SYT1: variants seen among roughly 807,000 people sequenced by gnomAD.
SYT1 encodes the protein synaptotagmin 1.
In SYT1, 8 loss-of-function variants were observed where a neutral mutation model predicts 44.8. The observed-to-expected ratio is 0.18, with a 90% CI of 0.10 to 0.32. SYT1 has a LOEUF of 0.32. Ranked by LOEUF, SYT1 falls within the 10% of genes least tolerant of loss-of-function variation. SYT1 has a pLI of 1.00. For missense variants in SYT1, 286 were observed against 509.3 expected (o/e 0.56, Z 4.22); for synonymous variants, 154 against 188.8 (o/e 0.82, Z 1.51).
At chr12:79,019,530 T>C (rs1041064229) in intron 2 of SYT1, among the ~76,000 whole-genome samples, 1 of 151,942 alleles carries the variant, frequency 6.6e-6, no homozygotes, top group African/African-American at 2.4e-5. Context: ...CCTACCACAG[T>C]TGCTATCTGT....
intron 3 of SYT1, among the ~76,000 whole-genome samples, chr12:79,060,963 T>A (rs928987521): frequency 6.6e-6 from 1 of 152,116 alleles, no homozygotes; most frequent in Admixed American, 6.6e-5. Context: ...CTACTCAGGC[T>A]GGAATTAGCC....
At chr12:79,046,838 T>C (rs1874102314) in intron 2 of SYT1, among the ~76,000 whole-genome samples, 1 of 151,964 alleles carries the variant, frequency 6.6e-6, no homozygotes, top group Non-Finnish European at 1.5e-5. Flanking sequence ...TTGAGGTGTT[T>C]CTAACATCGG....
chr12:79,060,926 A>C (rs1388466549), intron 3 of SYT1, among the ~76,000 whole-genome samples: 2 of 152,090 alleles, frequency 1.3e-5, no homozygotes, highest in Non-Finnish European at 2.9e-5. Flanking sequence ...TTTAGGATTT[A>C]TGAGTTATAA....
At chr12:78,997,664 CTT>C (rs143170436) in intron 2 of SYT1, among the ~76,000 whole-genome samples, 20 of 144,746 alleles carry the variant, frequency 1.4e-4, no homozygotes, top group African/African-American at 4.3e-4. Flanking sequence ...TTTCTCTTTC[CTT>C]TTTTTTTTTT....
chr12:79,295,634 G>A (rs1254066367), intron 6 of SYT1, among the ~76,000 whole-genome samples: 1 of 152,122 alleles, frequency 6.6e-6, no homozygotes, highest in East Asian at 1.9e-4. Flanking sequence ...GCTAGCCTGA[G>A]GCTTTGATAA....
intron 9 of SYT1, among the ~76,000 whole-genome samples, chr12:79,380,369 G>A (rs946598328): frequency 6.6e-6 from 1 of 152,136 alleles, no homozygotes; most frequent in African/African-American, 2.4e-5. Flanking sequence ...CAGCAAATCT[G>A]GCTGTGCCTG....
intron 9 of SYT1, among the ~76,000 whole-genome samples, chr12:79,415,033 G>A (rs971445294): frequency 1.3e-5 from 2 of 152,008 alleles, no homozygotes; most frequent in Non-Finnish European, 2.9e-5. Flanking sequence ...AAGGATTTAG[G>A]TAACTCTTCC....
chr12:79,072,733 A>T (rs905270854), intron 3 of SYT1, among the ~76,000 whole-genome samples: 3 of 152,166 alleles, frequency 2.0e-5, no homozygotes, highest in African/African-American at 7.2e-5. Context: ...CAAGATGAGA[A>T]TTAAGGATGG....
chr12:79,055,623 G>A (rs1199379496), intron 3 of SYT1, among the ~76,000 whole-genome samples: 1 of 151,848 alleles, frequency 6.6e-6, no homozygotes, highest in Admixed American at 6.6e-5. Context: ...CTGTGTGTCA[G>A]CAGGAAAACA....
At chr12:79,350,308 A>T (rs1477342847) in intron 8 of SYT1, among the ~76,000 whole-genome samples, 1 of 136,284 alleles carries the variant, frequency 7.3e-6, no homozygotes, top group Non-Finnish European at 1.5e-5. Context: ...GCTGGAGTGC[A>T]GTGGCGCGAT....
intron 1 of SYT1, among the ~76,000 whole-genome samples, chr12:78,968,494 A>T (rs1277824261): frequency 1.3e-5 from 2 of 152,174 alleles, no homozygotes; most frequent in African/African-American, 4.8e-5. Flanking sequence ...TATATTCTAC[A>T]CTATTTCATT....
intron 4 of SYT1, among the ~76,000 whole-genome samples, chr12:79,239,320 G>T (rs1876365384): frequency 6.6e-6 from 1 of 152,160 alleles, no homozygotes; most frequent in Admixed American, 6.5e-5. Context: ...TCTCAAAACT[G>T]TCAAGGTCAT....
At chr12:79,207,964 G>A (rs1874223835) in intron 3 of SYT1, among the ~76,000 whole-genome samples, 1 of 152,180 alleles carries the variant, frequency 6.6e-6, no homozygotes, top group Non-Finnish European at 1.5e-5. Flanking sequence ...ACCTCTGGAA[G>A]TAGGATTACC....
At chr12:79,067,493 T>A (rs1209898602) in intron 3 of SYT1, among the ~76,000 whole-genome samples, 6 of 152,188 alleles carry the variant, frequency 3.9e-5, no homozygotes, top group Non-Finnish European at 7.4e-5. Flanking sequence ...TTTCTTTTTT[T>A]AACATTTAAG....
At chr12:79,132,131 A>G (rs532617475) in intron 3 of SYT1, among the ~76,000 whole-genome samples, 1 of 152,308 alleles carries the variant, frequency 6.6e-6, no homozygotes, top group Non-Finnish European at 1.5e-5. Context: ...AAAAGTATGC[A>G]AAGGACTAAA....
rs76728801 is a variant in SYT1 at position 79,266,392 on chromosome 12, A to G, written c.167-19395A>G. The stretch of plus-strand genomic sequence containing the variant: ...ATTTGGAAGAAATCTTTTGGGAGCA[A>G]TGTCTTATTTTGGCAAAGAAAAAAA... On this transcript the variant is annotated intron_variant, in intron 4 of 10. Transcript: ENST00000261205. Among the ~76,000 whole-genome samples the G allele has an allele frequency of 4.8e-5, 7 of 146,790 alleles. No homozygotes were observed. In the East Asian group the frequency reaches 1.5e-3, roughly 32 times the overall value.
At chr12:79,266,272 A>G (rs900125745) in intron 4 of SYT1, among the ~76,000 whole-genome samples, 1 of 152,234 alleles carries the variant, frequency 6.6e-6, no homozygotes, top group Non-Finnish European at 1.5e-5. Flanking sequence ...ACTAGAAAAC[A>G]AAGATTGATA....
chr12:79,064,860 G>C (rs1242596186), intron 3 of SYT1, among the ~76,000 whole-genome samples: 1 of 150,422 alleles, frequency 6.6e-6, no homozygotes, highest in African/African-American at 2.5e-5. Context: ...TCCTGCTCCA[G>C]TACTCTGTAG....
intron 1 of SYT1, among the ~76,000 whole-genome samples, chr12:78,872,448 C>T (rs911929020): frequency 6.6e-6 from 1 of 151,654 alleles, no homozygotes; most frequent in African/African-American, 2.4e-5. Flanking sequence ...GATTTCTGGA[C>T]TTTTAGACCT....
Sources: gnomAD v4.1 joint callset for allele counts (sites outside exome capture counted in the v4.1 genomes callset) on GRCh38, gnomAD v4.1.1 for gene constraint, MANE v1.5 for transcripts, NCBI Gene and HGNC (gene_info 2026-07-23, HGNC 2026-07-21) for gene names.